Variants in ELAPOR2 observed in about 807,000 individuals in gnomAD.
ELAPOR2 encodes endosome-lysosome associated apoptosis and autophagy regulator family member 2, also known as endosome/lysosome-associated apoptosis and autophagy regulator family member 2.
In ELAPOR2, 89 loss-of-function variants were observed where a neutral mutation model predicts 120.7. The ratio of observed to expected loss-of-function variants is 0.74; its 90% CI spans 0.62 to 0.88. ELAPOR2 has a LOEUF of 0.88. Among genes scored for constraint, ELAPOR2 ranks in the 40% least tolerant of loss-of-function variants. ELAPOR2 has a pLI of 0.00. For synonymous variants in ELAPOR2, 444 were observed against 444.9 expected, an observed-to-expected ratio of 1.00 and a Z score of 0.03; for missense variants, 1,134 against 1,251.6, an observed-to-expected ratio of 0.91 and a Z score of 1.42.
rs575024846 is a variant in ELAPOR2 at position 87,043,160 on chromosome 7, A to G, written c.189+16165T>C. Among the ~76,000 whole-genome samples, 3 of 151,984 alleles carry G rather than the reference A, an allele frequency of 2.0e-5. No homozygotes were observed. The East Asian group carries it at 5.8e-4, about 29-fold the overall frequency. On this transcript the variant is annotated intron_variant, in intron 1 of 21. Coordinates refer to ENST00000450689, the MANE Select transcript of ELAPOR2 (RefSeq NM_001142749.3). ...AAAGAGTCCAGGACCAGATGGATTC[A>G]CAGCCGAATTCTACCAGAGGTACAA...
At chr7:86,973,552 C>A (rs1792175423) in intron 1 of ELAPOR2, among the ~76,000 whole-genome samples, 1 of 152,262 alleles carries the variant, frequency 6.6e-6, no homozygotes, top group South Asian at 2.1e-4. Flanking sequence ...ACCTATCCTG[C>A]ACCCTGAGAG....
intron 1 of ELAPOR2, among the ~76,000 whole-genome samples, chr7:87,054,369 T>C (rs1211274568): frequency 6.6e-6 from 1 of 152,240 alleles, no homozygotes; most frequent in Admixed American, 6.5e-5. Context: ...ATTGTAAATA[T>C]TGATGGTGTG....
At chr7:86,943,516 A>C (rs1436702973) in intron 4 of ELAPOR2, among the ~76,000 whole-genome samples, 1 of 151,974 alleles carries the variant, frequency 6.6e-6, no homozygotes, top group East Asian at 1.9e-4. Flanking sequence ...TGAAACATCA[A>C]TAGAAGAAGG....
At chr7:87,049,320 C>T (rs1317036597) in intron 1 of ELAPOR2, among the ~76,000 whole-genome samples, 1 of 151,588 alleles carries the variant, frequency 6.6e-6, no homozygotes, top group Non-Finnish European at 1.5e-5. Context: ...CTCGCTCTGT[C>T]GCCCAGGCTG....
chr7:87,004,719 C>T (rs909562866), intron 1 of ELAPOR2, among the ~76,000 whole-genome samples: 3 of 152,116 alleles, frequency 2.0e-5, no homozygotes, highest in Admixed American at 1.3e-4. Context: ...AGCTGCACAG[C>T]TAATTACAGA....
In ELAPOR2 at chr7:86,879,315, T is replaced by C. The variant is rs536440639; in HGVS notation, c.*1156A>G. 1 of 152,306 alleles carries C rather than the reference T, an allele frequency of 6.6e-6. No homozygotes were observed. Among genetic ancestry groups the C allele is most frequent in the Admixed American group, 6.5e-5 (1 of 15,296 alleles). The allele number at this position is 152,306 out of a possible 1,614,324, so 9.4% of individuals were successfully genotyped here. A position where few individuals can be genotyped will look rare whatever the true frequency, so the allele number is the denominator to read the frequency against. ...CCCACCATAGAAAATATCACAATTA[T>C]CTGGATCACTTTTGAATAAGAACAA... On this transcript the variant is annotated 3_prime_UTR_variant, in exon 22 of 22. Transcript: ENST00000450689.
At chr7:86,911,925 C>G (rs1425455662) in intron 15 of ELAPOR2, 147 bp downstream of exon 15, 4 of 801,168 alleles carry the variant, frequency 5.0e-6, no homozygotes, top group Non-Finnish European at 8.0e-6. Context: ...ATATTCTAGG[C>G]AGCAATAGAG....
At chr7:86,938,017 A>G in intron 8 of ELAPOR2, 109 bp downstream of exon 8, 1 of 780,418 alleles carries the variant, frequency 1.3e-6, no homozygotes. Flanking sequence ...TCCTCTTTAC[A>G]CTTACATACG....
chr7:86,886,847 A>G (rs1477138986), intron 21 of ELAPOR2, among the ~76,000 whole-genome samples: 1 of 152,032 alleles, frequency 6.6e-6, no homozygotes, highest in Non-Finnish European at 1.5e-5. Context: ...GTTCTACTAC[A>G]TGTTGGGCCT....
chr7:86,910,801 G>A (rs1789268457), intron 15 of ELAPOR2, among the ~76,000 whole-genome samples: 2 of 152,062 alleles, frequency 1.3e-5, no homozygotes, highest in South Asian at 4.1e-4. Context: ...GATATAGAGT[G>A]TACACAGATG....
intron 1 of ELAPOR2, among the ~76,000 whole-genome samples, chr7:86,987,521 C>T (rs377565440): frequency 1.3e-5 from 2 of 152,034 alleles, no homozygotes; most frequent in Admixed American, 6.6e-5. Context: ...ACAACCCTAT[C>T]GAAAAGTGGG....
At chr7:86,925,776 T>C (rs951520465) in intron 9 of ELAPOR2, 120 bp from the exon 10 acceptor site, 11 of 893,886 alleles carry the variant, frequency 1.2e-5, no homozygotes, top group Middle Eastern at 2.3e-4. Context: ...AAAAAAGATA[T>C]TGGACTACCA....
At chr7:86,914,455 T>C (rs1789465913) in intron 13 of ELAPOR2, among the ~76,000 whole-genome samples, 2 of 152,156 alleles carry the variant, frequency 1.3e-5, no homozygotes, top group African/African-American at 4.8e-5. Flanking sequence ...CAAAATTAGA[T>C]TTTCCTTCTC....
intron 1 of ELAPOR2, among the ~76,000 whole-genome samples, chr7:87,050,672 A>C (rs1466148966): frequency 6.6e-6 from 1 of 152,228 alleles, no homozygotes; most frequent in Non-Finnish European, 1.5e-5. Flanking sequence ...AGGGTGTTGA[A>C]CAAAAGAATA....
intron 1 of ELAPOR2, among the ~76,000 whole-genome samples, chr7:86,973,999 C>T (rs2116520409): frequency 6.6e-6 from 1 of 152,004 alleles, no homozygotes; most frequent in African/African-American, 2.4e-5. Flanking sequence ...ATCCCTCCCT[C>T]TACCTCTTGA....
rs1790808981 is a variant in ELAPOR2 at position 86,941,877 on chromosome 7, GTTAATT to G, written c.741+135_741+140del. 9.1e-6 allele frequency: 5 copies of G among 549,808 alleles called. No individual in the cohort carries two copies. In the African/African-American group the frequency reaches 9.5e-5, roughly 10 times the overall value. 34.1% of individuals were successfully genotyped at this position (549,808 alleles called of 1,614,324 possible). On this transcript the variant is annotated intron_variant, in intron 5 of 21. Coordinates refer to ENST00000450689, the MANE Select transcript of ELAPOR2 (RefSeq NM_001142749.3). ...TAACCAGAAATCATCTAAATTAATA[GTTAATT>G]TTGATATTTTTTCTTAAAATATACT...
chr7:86,940,069 C>G lies in ELAPOR2; in HGVS notation c.788G>C (p.Gly263Ala). Residue 263 changes from glycine (G) to alanine (A), a missense_variant, in exon 6 of 22, where the codon GGC becomes GCC. Around this residue, in one of 3 missense-constraint regions of ELAPOR2, gnomAD observed 280 missense variants for 331.5 expected, o/e 0.84. Coordinates refer to ENST00000450689, the MANE Select transcript of ELAPOR2 (RefSeq NM_001142749.3). ...GACCGCCTTAGAACCCATAAGGATG[C>G]CTGTAGTTCTCCAGTAGAGTATGTT... is the stretch of plus-strand genomic sequence containing the variant. ...GTNILYWRTT[G>A]ILMGSKAVKP... is the part of the protein sequence containing the mutation. The G allele has an allele frequency of 6.2e-7, 1 of 1,612,192 alleles. No homozygotes were observed. Among genetic ancestry groups the G allele is most frequent in the Non-Finnish European group, 8.5e-7 (1 of 1,178,812 alleles).
intron 1 of ELAPOR2, among the ~76,000 whole-genome samples, chr7:86,982,157 G>T (rs910358685): frequency 1.3e-5 from 2 of 152,260 alleles, no homozygotes; most frequent in African/African-American, 4.8e-5. Flanking sequence ...AGTGGCCAGG[G>T]AAGCTCTAAC....
chr7:86,997,116 GA>G (rs771651350), intron 1 of ELAPOR2, among the ~76,000 whole-genome samples: 3 of 151,996 alleles, frequency 2.0e-5, no homozygotes, highest in Non-Finnish European at 4.4e-5. Flanking sequence ...TAAGGAAGGG[GA>G]AAAAAAGCTT....
Sources: allele counts gnomAD v4.1 joint callset (sites outside exome capture counted in the v4.1 genomes callset), GRCh38; gene constraint gnomAD v4.1.1; regional missense constraint gnomAD v4.1.1; transcripts MANE v1.5; gene names NCBI Gene and HGNC (gene_info 2026-07-23, HGNC 2026-07-21).